THNSL1: variants seen among roughly 807,000 people sequenced by gnomAD.
THNSL1 encodes threonine synthase-like 1.
THNSL1 carries 48 observed loss-of-function variants against 50.4 expected under a neutral mutation model. The observed-to-expected ratio is 0.95, with a 90% confidence interval of 0.76 to 1.21. The LOEUF (loss-of-function observed/expected upper bound fraction) is 1.21. Among genes scored for constraint, THNSL1 ranks in the 50% most tolerant of loss-of-function variants. THNSL1 has a pLI of 0.00. For missense variants in THNSL1, 896 were observed against 871.7 expected (o/e 1.03, Z -0.35); for synonymous variants, 309 against 306.1 (o/e 1.01, Z -0.10).
Position 25,024,696 on chromosome 10 carries a change from T to C in THNSL1, c.1473T>C (p.Val491=), listed in dbSNP as rs546104085. 527 of 1,614,272 alleles carry C rather than the reference T, an allele frequency of 3.3e-4. 4 individuals are homozygous for C. The South Asian group carries it at 5.5e-3, about 17-fold the overall frequency. The change falls in exon 3 of 3, where the codon GTT becomes GTC. Residue 491 remains valine, a synonymous_variant. Coordinates refer to ENST00000376356, the MANE Select transcript of THNSL1 (RefSeq NM_024838.5). ...VYHASAYLDL[V]SQGFISFGSP... is the part of the protein sequence containing the mutation. The stretch of plus-strand genomic sequence containing the variant: ...ATGCTTCCGCATATCTTGATCTTGT[T>C]AGTCAAGGATTTATTTCTTTTGGAA...
At chr10:24,996,323 G>A in the THNSL1 span, among the ~76,000 whole-genome samples, 3 of 152,164 alleles carry the variant, frequency 2.0e-5, no homozygotes, top group African/African-American at 7.2e-5. Context: ...TCAGGAGGCT[G>A]AGGTGGGAGG....
chr10:24,978,728 G>C, the THNSL1 span, among the ~76,000 whole-genome samples: 4 of 152,134 alleles, frequency 2.6e-5, no homozygotes, highest in Admixed American at 2.6e-4. Context: ...CAAATCATTG[G>C]TTCTGTATCC....
the THNSL1 span, among the ~76,000 whole-genome samples, chr10:24,985,851 T>G: frequency 1.3e-5 from 2 of 152,202 alleles, no homozygotes; most frequent in South Asian, 2.1e-4. Context: ...GTGAATTGCT[T>G]GAGCCCAGGA....
the THNSL1 span, among the ~76,000 whole-genome samples, chr10:25,006,300 G>A: frequency 0.017 from 2,526 of 152,106 alleles, 88 homozygotes; most frequent in African/African-American, 0.055. Flanking sequence ...GTAGAAGTGC[G>A]GCTGAAATCT....
chr10:25,016,369 AAAG>A (rs1189118741), upstream of THNSL1, among the ~76,000 whole-genome samples: 15 of 152,192 alleles, frequency 9.9e-5, no homozygotes, highest in African/African-American at 3.6e-4. Context: ...TCTGGGGAAA[AAAG>A]AAAAATCCTA....
chr10:25,005,900 A>G, the THNSL1 span, among the ~76,000 whole-genome samples: 4 of 152,248 alleles, frequency 2.6e-5, no homozygotes, highest in Non-Finnish European at 5.9e-5. Flanking sequence ...TAGTTAATGT[A>G]TTCATCTACA....
At chr10:24,995,350 TA>T in the THNSL1 span, among the ~76,000 whole-genome samples, 1 of 152,200 alleles carries the variant, frequency 6.6e-6, no homozygotes, top group Non-Finnish European at 1.5e-5. Context: ...CATTTCCAAC[TA>T]ACCAAAAATA....
intron 1 of THNSL1, among the ~76,000 whole-genome samples, chr10:25,018,724 G>GA (rs1397385698): frequency 1.4e-5 from 2 of 143,188 alleles, no homozygotes; most frequent in African/African-American, 5.1e-5. Flanking sequence ...AATGGGTGTA[G>GA]ATGAGTATAT....
chr10:24,976,132 C>T, the THNSL1 span, among the ~76,000 whole-genome samples: 83 of 152,236 alleles, frequency 5.5e-4, 1 homozygote, highest in African/African-American at 1.9e-3. Context: ...TGGGTTAGAA[C>T]GACTGCTCCT....
chr10:25,025,094 G>A lies in THNSL1; in HGVS notation c.1871G>A (p.Cys624Tyr). 6.2e-7 allele frequency: 1 copy of A among 1,614,194 alleles called. No individual in the cohort carries two copies. ...FVADWCSEGE[C>Y]LAAINSTYNT... is the part of the protein sequence containing the mutation. ...GCTGACTGGTGCTCTGAGGGAGAGT[G>A]CCTAGCAGCTATTAACTCCACCTAT... Residue 624 changes from cysteine (C) to tyrosine (Y), a missense_variant, in exon 3 of 3, where the codon TGC (cysteine) becomes TAC (tyrosine). Transcript: ENST00000376356.
the THNSL1 span, among the ~76,000 whole-genome samples, chr10:24,966,730 C>T: frequency 6.6e-6 from 1 of 152,160 alleles, no homozygotes; most frequent in African/African-American, 2.4e-5. Context: ...CCATCAACAC[C>T]TCTATTATGA....
At chr10:24,999,269 T>A in the THNSL1 span, 8 of 861,050 alleles carry the variant, frequency 9.3e-6, no homozygotes, top group African/African-American at 1.7e-5. Context: ...CACTTTCTCC[T>A]AGTCAAATTC....
chr10:24,995,562 T>A, the THNSL1 span: 3 of 1,220,092 alleles, frequency 2.5e-6, no homozygotes, highest in Non-Finnish European at 3.5e-6. Flanking sequence ...AGAGCACTAA[T>A]AATGATAACA....
the THNSL1 span, among the ~76,000 whole-genome samples, chr10:24,973,901 T>C: frequency 2.0e-5 from 3 of 152,062 alleles, no homozygotes; most frequent in African/African-American, 7.2e-5. Context: ...TTACAGGCGT[T>C]CGCCACCACG....
At chr10:25,020,239 TATATC>T (rs1051283570) in intron 1 of THNSL1, among the ~76,000 whole-genome samples, 3 of 66,318 alleles carry the variant, frequency 4.5e-5, no homozygotes, top group African/African-American at 9.6e-5. Flanking sequence ...TTCTTTAAAA[TATATC>T]TATATCTATA....
chr10:24,959,724 A>G, the THNSL1 span, among the ~76,000 whole-genome samples: 3 of 152,086 alleles, frequency 2.0e-5, no homozygotes, highest in South Asian at 6.2e-4. Flanking sequence ...GTGTTTTATA[A>G]GTGTTTTAAA....
At chr10:24,989,046 C>T in the THNSL1 span, among the ~76,000 whole-genome samples, 1 of 152,046 alleles carries the variant, frequency 6.6e-6, no homozygotes, top group African/African-American at 2.4e-5. Flanking sequence ...CTGCTTATCT[C>T]CTACAGCCAA....
At position 25,016,712 on chromosome 10, in the gene THNSL1, G is replaced by C. The variant is rs1195982066; in HGVS notation, c.-216+20G>C. ...CTGCAGGTACGGTGCTCCGTCTCCT[G>C]TGGAGGCTTTAGCGGCTCGTGGACA... On this transcript the variant is annotated intron_variant, in intron 1 of 2. Transcript: ENST00000376356. 2 of 152,394 alleles carry C rather than the reference G, an allele frequency of 1.3e-5. No individual in the cohort carries two copies. The highest frequency in any genetic ancestry group is 2.9e-5 in the Non-Finnish European group (2 of 68,174). The allele number at this position is 152,394 out of a possible 1,614,324, so 9.4% of individuals were successfully genotyped here. A position where few individuals can be genotyped will look rare whatever the true frequency, so the allele number is the denominator to read the frequency against.
chr10:24,986,483 A>C, the THNSL1 span, among the ~76,000 whole-genome samples: 1 of 152,264 alleles, frequency 6.6e-6, no homozygotes, highest in Admixed American at 6.5e-5. Context: ...AGCCCTCAAA[A>C]GAATTCTATT....
Sources: gnomAD v4.1 joint callset for allele counts (sites outside exome capture counted in the v4.1 genomes callset) on GRCh38, gnomAD v4.1.1 for gene constraint, MANE v1.5 for transcripts, NCBI Gene and HGNC (gene_info 2026-07-23, HGNC 2026-07-21) for gene names.